The following PDE5A variants were observed in gnomAD, a reference collection of about 807,000 sequenced individuals.
PDE5A encodes the protein cGMP-specific 3',5'-cyclic phosphodiesterase.
A neutral mutation model predicts 110.2 loss-of-function variants in PDE5A; 67 were observed. The observed-to-expected ratio is 0.61, with a 90% CI of 0.50 to 0.75. PDE5A has a LOEUF of 0.75. PDE5A is among the 30% of genes least tolerant of loss of function. PDE5A has a pLI of 0.00. For missense variants in PDE5A, 862 were observed against 1,045.1 expected, an observed-to-expected ratio of 0.82 and a Z score of 2.42; for synonymous variants, 328 against 351.2, an observed-to-expected ratio of 0.93 and a Z score of 0.74.
intron 5 of PDE5A, among the ~76,000 whole-genome samples, chr4:119,564,032 GA>G (rs11352066): frequency 0.3 from 44,450 of 150,604 alleles, 6,551 homozygotes; most frequent in East Asian, 0.38. Flanking sequence ...CATGATGAAT[GA>G]AAAAAAATAC....
intron 14 of PDE5A, chr4:119,512,613 CT>C (rs1725785150): frequency 6.6e-6 from 1 of 151,894 alleles, no homozygotes; most frequent in African/African-American, 2.4e-5. Flanking sequence ...CAGATAGGAA[CT>C]GGTAATGACT....
Position 119,504,587 on chromosome 4 carries a change from C to A in PDE5A, c.2280G>T (p.Met760Ile). The A allele has an allele frequency of 6.2e-7, 1 of 1,612,350 alleles. No homozygotes were observed. The highest frequency in any genetic ancestry group is 1.1e-5 in the South Asian group (1 of 90,970). The change falls in exon 18 of 21, where the codon ATG becomes ATT. Residue 760 changes from methionine (M) to isoleucine (I), a missense_variant. Physicochemically the swap from Met to Ile is conservative, Grantham distance 10. Transcript: ENST00000354960. The stretch of plus-strand genomic sequence containing the variant: ...TAATTGCAGAAAGATCACAAGCTGT[C>A]ATCAGCATTGCCCTGTTATGGAAAA... ...HQKELFLAML[M>I]TACDLSAITK...
chr4:119,501,519 G>GAAC (rs1347092057), intron 19 of PDE5A, among the ~76,000 whole-genome samples: 4 of 152,030 alleles, frequency 2.6e-5, no homozygotes, highest in East Asian at 3.9e-4. Flanking sequence ...GGCTGGTCTA[G>GAAC]AACTCCTGAC....
chr4:119,507,517 T>A, intron 16 of PDE5A, 87 bp downstream of exon 16: 1 of 892,040 alleles, frequency 1.1e-6, no homozygotes, highest in East Asian at 2.6e-5. Context: ...CATTTCTGCT[T>A]TGAAATTTCT....
At chr4:119,519,961 T>C (rs1413817963) in intron 13 of PDE5A, among the ~76,000 whole-genome samples, 4 of 152,114 alleles carry the variant, frequency 2.6e-5, no homozygotes, top group Admixed American at 6.6e-5. Context: ...GAAATACTCA[T>C]TGGAATATTT....
intron 14 of PDE5A, among the ~76,000 whole-genome samples, chr4:119,518,791 A>G (rs1726005723): frequency 1.3e-5 from 2 of 152,216 alleles, no homozygotes; most frequent in South Asian, 2.1e-4. Context: ...TAAGCTGGAT[A>G]TATATAAACT....
rs1228041137 is a variant in PDE5A, at chr4:119,495,410, A to G, written c.*3191T>C. The G allele has an allele frequency of 6.6e-6, 1 of 152,294 alleles. No individual in the cohort carries two copies. Among genetic ancestry groups the G allele is most frequent in the Non-Finnish European group, 1.5e-5 (1 of 68,028 alleles). 9.4% of individuals were successfully genotyped at this position (152,294 alleles called of 1,614,324 possible). A position where few individuals can be genotyped will look rare whatever the true frequency, so the allele number is the denominator to read the frequency against. On this transcript the variant is annotated 3_prime_UTR_variant, in exon 21 of 21. Transcript: ENST00000354960. ...GTTCATAAGAGAGGATAACGATGAC[A>G]TTTTGTATCCTCTCATATTAAATCA...
At chr4:119,514,964 C>T (rs970036254) in intron 14 of PDE5A, among the ~76,000 whole-genome samples, 1 of 152,150 alleles carries the variant, frequency 6.6e-6, no homozygotes, top group Non-Finnish European at 1.5e-5. Context: ...AGATTTGAAG[C>T]TAGGCATCTG....
intron 6 of PDE5A, among the ~76,000 whole-genome samples, chr4:119,562,598 G>A (rs868727906): frequency 3.9e-5 from 6 of 152,074 alleles, no homozygotes; most frequent in African/African-American, 1.4e-4. Context: ...TTTTCAGGAG[G>A]TTGGGATGGG....
At chr4:119,568,534 A>C (rs1309644642) in intron 3 of PDE5A, among the ~76,000 whole-genome samples, 2 of 152,188 alleles carry the variant, frequency 1.3e-5, no homozygotes, top group Admixed American at 6.5e-5. Flanking sequence ...GATTACTCTG[A>C]ACGAGCTCAG....
intron 16 of PDE5A, among the ~76,000 whole-genome samples, chr4:119,507,011 T>A (rs1358471996): frequency 1.3e-5 from 2 of 151,946 alleles, no homozygotes; most frequent in Non-Finnish European, 2.9e-5. Context: ...GTTGGAAACT[T>A]ATGATTGCTC....
At chr4:119,544,836 A>T (rs565568875) in intron 9 of PDE5A, among the ~76,000 whole-genome samples, 1 of 152,290 alleles carries the variant, frequency 6.6e-6, no homozygotes, top group South Asian at 2.1e-4. Context: ...TGAATATATT[A>T]AGAGTCATTA....
intron 3 of PDE5A, among the ~76,000 whole-genome samples, chr4:119,591,563 T>G (rs929587501): frequency 6.6e-6 from 1 of 152,178 alleles, no homozygotes; most frequent in Non-Finnish European, 1.5e-5. Flanking sequence ...TATGTGTACA[T>G]AAAAAGCAAA....
At chr4:119,625,045 C>A (rs1377854183) in intron 1 of PDE5A, among the ~76,000 whole-genome samples, 1 of 148,354 alleles carries the variant, frequency 6.7e-6, no homozygotes, top group East Asian at 2.0e-4. Flanking sequence ...GAGTCTCACT[C>A]TGTTGCCCAG....
intron 9 of PDE5A, among the ~76,000 whole-genome samples, chr4:119,551,157 C>T (rs977873624): frequency 6.6e-6 from 1 of 152,114 alleles, no homozygotes; most frequent in Non-Finnish European, 1.5e-5. Context: ...GTCACAGTAA[C>T]TAAGTTGACA....
At chr4:119,501,083 T>G in intron 20 of PDE5A, 87 bp downstream of exon 20, 1 of 760,944 alleles carries the variant, frequency 1.3e-6, no homozygotes, top group Non-Finnish European at 2.2e-6. Context: ...AAGCAAAATA[T>G]AGGCGCCTAA....
At chr4:119,573,046 C>T (rs1241231050) in intron 3 of PDE5A, among the ~76,000 whole-genome samples, 2 of 152,154 alleles carry the variant, frequency 1.3e-5, no homozygotes, top group Non-Finnish European at 2.9e-5. Flanking sequence ...CATTTTGCAA[C>T]TTGCAATTAT....
At chr4:119,509,183 C>T (rs1376889544) in intron 15 of PDE5A, among the ~76,000 whole-genome samples, 1 of 151,954 alleles carries the variant, frequency 6.6e-6, no homozygotes, top group African/African-American at 2.4e-5. Flanking sequence ...TTGGGAAAGA[C>T]CACTCAAAAC....
At chr4:119,502,729 G>T in intron 18 of PDE5A, 74 bp from the exon 19 acceptor site, 4 of 923,832 alleles carry the variant, frequency 4.3e-6, no homozygotes, top group East Asian at 2.4e-5. Context: ...GTGAATGAAG[G>T]CCCTGTTAGG....
Sources: gnomAD v4.1 joint callset for allele counts (sites outside exome capture counted in the v4.1 genomes callset) on GRCh38, gnomAD v4.1.1 for gene constraint, MANE v1.5 for transcripts, NCBI Gene and HGNC (gene_info 2026-07-23, HGNC 2026-07-21) for gene names.